Variants in TARS1 observed in about 807,000 individuals in gnomAD.
The protein encoded by TARS1 is threonine--tRNA ligase 1, cytoplasmic.
A neutral mutation model predicts 97.7 loss-of-function variants in TARS1; 57 were observed. The ratio of observed to expected loss-of-function variants is 0.58; its 90% CI spans 0.47 to 0.73. The LOEUF (loss-of-function observed/expected upper bound fraction) is 0.73, where lower values mean the gene tolerates loss of function less well. Ranked by LOEUF, TARS1 falls within the 30% of genes least tolerant of loss-of-function variation. The pLI is 0.00. For synonymous variants in TARS1, 312 were observed against 293.7 expected, an observed-to-expected ratio of 1.06 and a Z score of -0.64; for missense variants, 806 against 888.3, an observed-to-expected ratio of 0.91 and a Z score of 1.18.
At chr5:33,444,107 A>T (rs1741293178) in intron 1 of TARS1, among the ~76,000 whole-genome samples, 2 of 152,248 alleles carry the variant, frequency 1.3e-5, no homozygotes, top group South Asian at 4.1e-4. Flanking sequence ...TGCATGTTAC[A>T]ACCTGATGAT....
intron 10 of TARS1, among the ~76,000 whole-genome samples, chr5:33,459,478 TATC>T: frequency 6.6e-6 from 1 of 152,342 alleles, no homozygotes; most frequent in East Asian, 1.9e-4. Context: ...TGTCCCTTAT[TATC>T]AGCCATGCTG....
chr5:33,447,170 G>C (rs1286439939), intron 2 of TARS1, among the ~76,000 whole-genome samples: 1 of 152,010 alleles, frequency 6.6e-6, no homozygotes, highest in African/African-American at 2.4e-5. Flanking sequence ...GAAAGAAGGA[G>C]GGAGGGAAGG....
chr5:33,466,874 C>A lies in TARS1; in HGVS notation c.1912C>A (p.Arg638=). ...TTCTGTATCTCTGTTACAATAGGTA[C>A]GACAACAATTCCACGATGCCAAATT... ...PTCDEYAQKV[R]QQFHDAKFMA... Residue 638 remains arginine, a synonymous_variant, in exon 18 of 19, where the codon CGA becomes AGA. Coordinates refer to ENST00000265112, the MANE Select transcript of TARS1 (RefSeq NM_152295.5). 6.3e-7 allele frequency: 1 copy of A among 1,592,106 alleles called. No individual in the cohort carries two copies. Among genetic ancestry groups the A allele is most frequent in the Non-Finnish European group, 8.6e-7 (1 of 1,169,488 alleles).
chr5:33,453,528 T>C lies in TARS1; in HGVS notation c.453+116T>C, dbSNP rs182746823. On this transcript the variant is annotated intron_variant, in intron 4 of 18. Transcript: ENST00000265112. ...AACATTTATTGTTGTCTCACTGTCA[T>C]ATTTGAAATCTTCATTTTGTCCTTC... 4.0e-5 allele frequency: 52 copies of C among 1,313,456 alleles called. No homozygotes were observed. In the African/African-American group the frequency reaches 7.3e-4, roughly 18 times the overall value. 81.4% of individuals were successfully genotyped at this position (1,313,456 alleles called of 1,614,324 possible). A position where few individuals can be genotyped will look rare whatever the true frequency, so the allele number is the denominator to read the frequency against.
At position 33,467,758 on chromosome 5, in the gene TARS1, C is replaced by T. The variant is rs763338818; in HGVS notation, c.*50C>T. 16 of 1,567,798 alleles carry T rather than the reference C, an allele frequency of 1.0e-5. No homozygotes were observed. In the Admixed American group the frequency reaches 1.8e-4, roughly 17 times the overall value. On this transcript the variant is annotated 3_prime_UTR_variant, in exon 19 of 19. Transcript: ENST00000265112. ...CATGGAAAAGGAGGAACAGCGTTTCCGTAAAATTGACTTTGTACTCTGAAA... is the reference window on the plus strand; with the variant it reads ...CATGGAAAAGGAGGAACAGCGTTTCTGTAAAATTGACTTTGTACTCTGAAA...
Position 33,459,698 on chromosome 5 carries a change from G to C in TARS1, c.1087G>C (p.Glu363Gln), listed in dbSNP as rs778902657. The change falls in exon 11 of 19, where the codon GAA (glutamate) becomes CAA (glutamine). Residue 363 changes from glutamate (E) to glutamine (Q), a missense_variant. Physicochemically the swap from Glu to Gln is conservative, Grantham distance 29. Coordinates refer to ENST00000265112, the MANE Select transcript of TARS1 (RefSeq NM_152295.5). ...YNALIEFIRS[E>Q]YRKRGFQEVV... ...GTTTCTGTTTATTTTCTATCAGAGC[G>C]AATATAGGAAAAGAGGATTCCAGGA... 6.2e-7 allele frequency: 1 copy of C among 1,613,968 alleles called. No individual in the cohort carries two copies. The highest frequency in any genetic ancestry group is 1.7e-5 in the Admixed American group (1 of 60,000).
intron 3 of TARS1, 44 bp from the exon 4 acceptor site, chr5:33,453,245 T>A (rs1741833369): frequency 2.6e-6 from 4 of 1,523,880 alleles, no homozygotes; most frequent in African/African-American, 2.8e-5. Flanking sequence ...GATTCGTGTG[T>A]ACTTATATAT....
intron 2 of TARS1, among the ~76,000 whole-genome samples, chr5:33,447,082 G>A (rs73074377): frequency 0.2 from 30,985 of 152,032 alleles, 3,931 homozygotes; most frequent in African/African-American, 0.36. Flanking sequence ...GCCAAAATGC[G>A]CTGTGACTGT....
chr5:33,445,399 G>A lies in TARS1; in HGVS notation c.133G>A (p.Ala45Thr), dbSNP rs771439420. Residue 45 changes from alanine (A) to threonine (T), a missense_variant, in exon 2 of 19, where the codon GCT (alanine) becomes ACT (threonine). By Grantham distance (58) the Ala-to-Thr change is moderately conservative. Transcript: ENST00000265112. The part of the protein sequence containing the change: ...NKEGSGDGGR[A>T]ELNPWPEYIY... ...AGAAGGATCTGGAGATGGAGGTCGA[G>A]CTGAGGTAAAAGTTATCATCACAGA... 2 of 1,612,890 alleles carry A rather than the reference G, an allele frequency of 1.2e-6. No homozygotes were observed. Among genetic ancestry groups the A allele is most frequent in the Non-Finnish European group, 1.7e-6 (2 of 1,179,328 alleles).
chr5:33,443,491 TTG>T (rs1467629121), intron 1 of TARS1, among the ~76,000 whole-genome samples: 2 of 150,036 alleles, frequency 1.3e-5, no homozygotes, highest in African/African-American at 2.5e-5. Context: ...TTTTTTTTTT[TTG>T]TTGTCGTTGT....
chr5:33,464,958 C>G (rs1742462943), intron 17 of TARS1, among the ~76,000 whole-genome samples: 1 of 151,902 alleles, frequency 6.6e-6, no homozygotes, highest in Non-Finnish European at 1.5e-5. Flanking sequence ...CCCAGCTACT[C>G]AGGAGGCTGA....
chr5:33,453,300 C>A lies in TARS1; in HGVS notation c.341C>A (p.Ala114Asp). 6.3e-7 allele frequency: 1 copy of A among 1,580,642 alleles called. No homozygotes were observed. Among genetic ancestry groups the A allele is most frequent in the Non-Finnish European group, 8.6e-7 (1 of 1,167,720 alleles). Residue 114 changes from alanine to aspartate, a missense_variant, in exon 4 of 19, where the codon GCC (alanine) becomes GAC (aspartate). This residue lies in a region of TARS1 where 356 missense variants were observed against 357.8 expected (regional missense o/e 0.99). Coordinates refer to ENST00000265112, the MANE Select transcript of TARS1 (RefSeq NM_152295.5). ...TTTTTTTTTTTAAGTCAAGGCCTGG[C>A]CGACAACACCGTTATTGCTAAAGTA... The part of the protein sequence containing the change: ...QIACGISQGL[A>D]DNTVIAKVNN...
intron 2 of TARS1, chr5:33,446,584 A>G: frequency 1.2e-6 from 1 of 817,476 alleles, no homozygotes; most frequent in South Asian, 1.4e-5. Flanking sequence ...GAACTGTCCA[A>G]GACCTTGGTC....
At chr5:33,443,408 T>C (rs1235985086) in intron 1 of TARS1, among the ~76,000 whole-genome samples, 1 of 148,304 alleles carries the variant, frequency 6.7e-6, no homozygotes, top group Non-Finnish European at 1.5e-5. Context: ...AATAATCTTA[T>C]CAGAAATATA....
chr5:33,455,523 A>G, intron 5 of TARS1, 64 bp from the exon 6 acceptor site: 1 of 1,058,794 alleles, frequency 9.4e-7, no homozygotes, highest in Non-Finnish European at 1.4e-6. Flanking sequence ...TTCCAAATGA[A>G]CATTTTTCGA....
intron 4 of TARS1, among the ~76,000 whole-genome samples, chr5:33,454,610 C>T (rs904638618): frequency 6.6e-6 from 1 of 152,156 alleles, no homozygotes; most frequent in Non-Finnish European, 1.5e-5. Flanking sequence ...AGAACCTGGG[C>T]CATTGCAATC....
intron 4 of TARS1, 146 bp downstream of exon 4, chr5:33,453,558 A>G: frequency 9.0e-7 from 1 of 1,114,696 alleles, no homozygotes; most frequent in Admixed American, 2.8e-5. Context: ...TCCTTCATTT[A>G]GGGAACATAA....
intron 1 of TARS1, chr5:33,441,420 T>C (rs1024087143): frequency 2.4e-6 from 1 of 410,236 alleles, no homozygotes; most frequent in African/African-American, 2.0e-5. Context: ...GCCTCACATC[T>C]ACAGTAGTTA....
At chr5:33,446,738 G>T in intron 2 of TARS1, 1 of 1,289,272 alleles carries the variant, frequency 7.8e-7, no homozygotes, top group Non-Finnish European at 1.0e-6. Context: ...ATGATAAACT[G>T]CAGTTAAGAT....
Sources: allele counts gnomAD v4.1 joint callset (sites outside exome capture counted in the v4.1 genomes callset), GRCh38; gene constraint gnomAD v4.1.1; regional missense constraint gnomAD v4.1.1; transcripts MANE v1.5; gene names NCBI Gene and HGNC (gene_info 2026-07-23, HGNC 2026-07-21).